The following KRABD4 variants were observed in gnomAD, a reference collection of about 807,000 sequenced individuals.
KRABD4 encodes KRAB domain-containing protein 4.
At chrX:46,467,074 C>G in the KRABD4 span, among the ~76,000 whole-genome samples, 2 of 111,918 alleles carry the variant, frequency 1.8e-5, 1 homozygote, top group Admixed American at 1.9e-4. Flanking sequence ...GAGTAGTGTT[C>G]CAGTTTATCT....
the KRABD4 span, chrX:46,472,866 A>C: frequency 4.4e-3 from 5,267 of 1,210,344 alleles, 21 homozygotes; most frequent in Middle Eastern, 0.032. Flanking sequence ...TCAAGAATCC[A>C]GAACATGTAG....
the KRABD4 span, among the ~76,000 whole-genome samples, chrX:46,465,585 T>C: frequency 8.8e-6 from 1 of 113,060 alleles, no homozygotes; most frequent in Non-Finnish European, 1.9e-5. Flanking sequence ...CTATTTTTAT[T>C]GTTGTTATTA....
chrX:46,458,474 T>C, the KRABD4 span, among the ~76,000 whole-genome samples: 1 of 111,738 alleles, frequency 8.9e-6, no homozygotes, highest in African/African-American at 3.3e-5. Flanking sequence ...TGAAGACTCA[T>C]AGTAACAGAA....
the KRABD4 span, chrX:46,471,304 T>G: frequency 1.0e-5 from 8 of 773,730 alleles, no homozygotes; most frequent in African/African-American, 1.7e-4. Flanking sequence ...CTGAAATTAA[T>G]GTAATTTCTC....
At chrX:46,462,439 G>C in the KRABD4 span, 1 of 257,826 alleles carries the variant, frequency 3.9e-6, no homozygotes, top group Non-Finnish European at 7.0e-6. Flanking sequence ...GAACCCGGGA[G>C]GCAGAGGTTG....
the KRABD4 span, among the ~76,000 whole-genome samples, chrX:46,469,962 C>T: frequency 9.1e-6 from 1 of 110,230 alleles, no homozygotes; most frequent in Non-Finnish European, 1.9e-5. Context: ...GTTTTTTTCT[C>T]CTTTAGACCA....
chrX:46,454,983 G>A, the KRABD4 span: 50 of 281,888 alleles, frequency 1.8e-4, no homozygotes, highest in African/African-American at 1.4e-3. Context: ...GCTCTAGAGA[G>A]TCTTCACATA....
At chrX:46,461,949 G>A in the KRABD4 span, among the ~76,000 whole-genome samples, 16,355 of 109,607 alleles carry the variant, frequency 0.15, 1,092 homozygotes, top group East Asian at 0.42. Context: ...TGAGTGTCTT[G>A]AGTGTCTTAA....
At chrX:46,462,528 A>C in the KRABD4 span, 1 of 505,308 alleles carries the variant, frequency 2.0e-6, no homozygotes, top group Admixed American at 4.1e-5. Context: ...AAAAAGAAAG[A>C]AAGGCCATTG....
chrX:46,449,265 A>G, the KRABD4 span, among the ~76,000 whole-genome samples: 1 of 110,903 alleles, frequency 9.0e-6, no homozygotes, highest in African/African-American at 3.3e-5. Context: ...TCAGCCCCTC[A>G]CAGAACTGAC....
chrX:46,465,554 A>C, the KRABD4 span, among the ~76,000 whole-genome samples: 1 of 113,114 alleles, frequency 8.8e-6, no homozygotes, highest in Non-Finnish European at 1.9e-5. Flanking sequence ...CCTGGCATAA[A>C]GGAAACAACA....
the KRABD4 span, among the ~76,000 whole-genome samples, chrX:46,447,803 CTT>C: frequency 9.0e-6 from 1 of 111,568 alleles, no homozygotes; most frequent in East Asian, 2.8e-4. Flanking sequence ...CCCGAGGAAT[CTT>C]TTTTTTCTTT....
At chrX:46,456,618 C>A in the KRABD4 span, 1 of 287,571 alleles carries the variant, frequency 3.5e-6, no homozygotes, top group Non-Finnish European at 6.7e-6. Flanking sequence ...AATCACTCCC[C>A]ATACCAGCCA....
At chrX:46,450,308 G>C in the KRABD4 span, 1 of 394,375 alleles carries the variant, frequency 2.5e-6, no homozygotes, top group African/African-American at 2.5e-5. Context: ...AAACAGGCTG[G>C]AGCTACCAGG....
the KRABD4 span, among the ~76,000 whole-genome samples, chrX:46,469,031 A>C: frequency 8.9e-6 from 1 of 112,482 alleles, no homozygotes; most frequent in East Asian, 2.8e-4. Flanking sequence ...ACAAAATCTG[A>C]AATCCAAAAC....
chrX:46,448,230 A>C, the KRABD4 span: 1 of 111,946 alleles, frequency 8.9e-6, no homozygotes, highest in Non-Finnish European at 1.9e-5. Context: ...ACCACTGCTC[A>C]CCGACTTCAG....
chrX:46,461,694 G>A, the KRABD4 span, among the ~76,000 whole-genome samples: 2 of 112,022 alleles, frequency 1.8e-5, no homozygotes, highest in African/African-American at 6.5e-5. Flanking sequence ...ACAAGGCCAA[G>A]CACAGACCTT....
chrX:46,452,609 C>A, the KRABD4 span, among the ~76,000 whole-genome samples: 3 of 112,331 alleles, frequency 2.7e-5, no homozygotes, highest in African/African-American at 9.7e-5. Flanking sequence ...TTACCTTTCT[C>A]CTAATAATAG....
At chrX:46,470,184 G>A in the KRABD4 span, among the ~76,000 whole-genome samples, 1 of 111,113 alleles carries the variant, frequency 9.0e-6, no homozygotes, top group African/African-American at 3.3e-5. Context: ...AAATAATACA[G>A]ACAAATCTCG....
Sources: allele counts gnomAD v4.1 joint callset (sites outside exome capture counted in the v4.1 genomes callset), GRCh38; gene constraint gnomAD v4.1.1; transcripts MANE v1.5; gene names NCBI Gene and HGNC (gene_info 2026-07-23, HGNC 2026-07-21).